The following FLAD1 variants were observed in gnomAD, a reference collection of about 807,000 sequenced individuals.
FLAD1 encodes flavin adenine dinucleotide synthetase 1.
FLAD1 carries 35 observed loss-of-function variants against 55.0 expected under a neutral mutation model. That is an observed-to-expected ratio of 0.64 (90% confidence interval 0.49 to 0.84). The LOEUF is 0.84. FLAD1 is among the 40% of genes least tolerant of loss of function. The pLI is 0.00. For missense variants in FLAD1, 665 were observed against 742.6 expected (o/e 0.90, Z 1.21); for synonymous variants, 267 against 303.0 (o/e 0.88, Z 1.23).
In FLAD1 at chr1:154,986,698, C is replaced by T. The variant is rs544461472; in HGVS notation, c.373-1407C>T. Among the ~76,000 whole-genome samples, 12 of 143,102 alleles carry T rather than the reference C, an allele frequency of 8.4e-5. No homozygotes were observed. In the East Asian group the frequency reaches 1.8e-3, roughly 21 times the overall value. The allele number at this position is 143,102 out of a possible 152,430, so 93.9% of individuals were successfully genotyped here. A position where few individuals can be genotyped will look rare whatever the true frequency, so the allele number is the denominator to read the frequency against. On this transcript the variant is annotated intron_variant, in intron 1 of 6. Transcript: ENST00000292180. ...AGGCATGAGCAACCTTGCCCAGCCC[C>T]CCACCCTTTTTTTTTTTTTTTTTTT... is the stretch of plus-strand genomic sequence containing the variant.
chr1:154,986,176 T>C (rs1275716828), intron 1 of FLAD1, among the ~76,000 whole-genome samples: 2 of 151,846 alleles, frequency 1.3e-5, no homozygotes, highest in Non-Finnish European at 2.9e-5. Flanking sequence ...GTAGCTGAGA[T>C]TACAGGCACC....
Position 154,988,226 on chromosome 1 carries a change from C to G in FLAD1, c.494C>G (p.Ser165Cys). Residue 165 changes from serine to cysteine, a missense_variant, in exon 2 of 7, where the codon TCT (serine) becomes TGT (cysteine). Coordinates refer to ENST00000292180, the MANE Select transcript of FLAD1 (RefSeq NM_025207.5). ...EVATIAAEVT[S>C]FSNRFTHVLT... is the part of the protein sequence containing the mutation. ...GCCACCATTGCAGCTGAGGTCACTT[C>G]TTTCTCCAACCGCTTCACCCATGTC... is the stretch of plus-strand genomic sequence containing the variant. 2 of 1,614,246 alleles carry G rather than the reference C, an allele frequency of 1.2e-6. No homozygotes were observed. The highest frequency in any genetic ancestry group is 1.7e-6 in the Non-Finnish European group (2 of 1,180,042).
In FLAD1 at chr1:154,983,761, T is replaced by A; in HGVS notation, c.67T>A (p.Trp23Arg). Residue 23 changes from tryptophan (W) to arginine (R), a missense_variant, in exon 1 of 7, where the codon TGG becomes AGG. Coordinates refer to ENST00000292180, the MANE Select transcript of FLAD1 (RefSeq NM_025207.5). ...QEQRSRLSRI[W>R]LEKTRVFLEG... is the part of the protein sequence containing the mutation. Reference sequence around the variant, plus strand: ...ACAAAGGAGTCGCTTGTCAAGGATCTGGTTAGAGAAGACTAGGGTCTTCCT... The same window carrying A: ...ACAAAGGAGTCGCTTGTCAAGGATCAGGTTAGAGAAGACTAGGGTCTTCCT... 1 of 1,614,120 alleles carries A rather than the reference T, an allele frequency of 6.2e-7. No homozygotes were observed. The highest frequency in any genetic ancestry group is 8.5e-7 in the Non-Finnish European group (1 of 1,179,974).
chr1:154,985,404 C>CT lies in FLAD1; in HGVS notation c.372+1351dup, dbSNP rs112698790. On this transcript the variant is annotated intron_variant, in intron 1 of 6. Coordinates refer to ENST00000292180, the MANE Select transcript of FLAD1 (RefSeq NM_025207.5). Reference sequence around the variant, plus strand: ...CCACTGCACTCAGCCTTAATAGACCCTTTTTTTTTTTTTAGACAGAGTCTT... The same window carrying CT: ...CCACTGCACTCAGCCTTAATAGACCCTTTTTTTTTTTTTTAGACAGAGTCTT... 2.8e-3 allele frequency among the ~76,000 whole-genome samples: 378 copies of CT among 137,238 alleles called. 1 individual carries two copies. The highest frequency in any genetic ancestry group is 6.7e-3 in the African/African-American group (250 of 37,514). The allele number at this position is 137,238 out of a possible 152,430, so 90.0% of individuals were successfully genotyped here.
intron 5 of FLAD1, chr1:154,991,175 C>T (rs547872767): frequency 2.1e-5 from 3 of 141,284 alleles, no homozygotes; most frequent in African/African-American, 8.0e-5. Flanking sequence ...CCACTGTACT[C>T]CAGCCTGGGC....
rs763542723 is a variant in FLAD1, at chr1:154,984,032, C to G, written c.338C>G (p.Ala113Gly). Reference protein sequence around the residue: ...SELSPGRSVTAGIIIVGDEIL... With the variant: ...SELSPGRSVTGGIIIVGDEIL... ...CTTTCTCCGGGGCGCAGCGTGACGGCTGGCATCATCATTGTTGGAGATGAG... is the reference window on the plus strand; with the variant it reads ...CTTTCTCCGGGGCGCAGCGTGACGGGTGGCATCATCATTGTTGGAGATGAG... Residue 113 changes from alanine to glycine, a missense_variant, in exon 1 of 7, where the codon GCT (alanine) becomes GGT (glycine). Physicochemically the swap from Ala to Gly is moderately conservative, Grantham distance 60. Coordinates refer to ENST00000292180, the MANE Select transcript of FLAD1 (RefSeq NM_025207.5). 2.0e-6 allele frequency: 3 copies of G among 1,512,616 alleles called. No homozygotes were observed. Among genetic ancestry groups the G allele is most frequent in the Non-Finnish European group, 2.7e-6 (3 of 1,130,322 alleles). The allele number at this position is 1,512,616 out of a possible 1,614,324, so 93.7% of individuals were successfully genotyped here. A position where few individuals can be genotyped will look rare whatever the true frequency, so the allele number is the denominator to read the frequency against.
chr1:154,990,361 G>A lies in FLAD1; in HGVS notation c.1387G>A (p.Ala463Thr). Residue 463 changes from alanine to threonine, a missense_variant, in exon 5 of 7, where the codon GCT becomes ACT. Transcript: ENST00000292180. ...AAGGTATAATCTGCAGATGTTGGAA[G>A]CTGAGGGCAGCATGAAGCAGGCCCT... ...IKRYNLQMLE[A>T]EGSMKQALGE... The A allele has an allele frequency of 6.2e-7, 1 of 1,613,880 alleles. No individual in the cohort carries two copies. The highest frequency in any genetic ancestry group is 2.2e-5 in the East Asian group (1 of 44,882).
At chr1:154,985,090 A>G (rs1336823005) in intron 1 of FLAD1, among the ~76,000 whole-genome samples, 1 of 119,122 alleles carries the variant, frequency 8.4e-6, no homozygotes, top group Non-Finnish European at 1.6e-5. Context: ...TATGTTGCCC[A>G]GGCTGGTCTC....
At chr1:154,990,082 C>T (rs1022648326) in intron 3 of FLAD1, 77 bp from the exon 4 acceptor site, 20 of 1,204,296 alleles carry the variant, frequency 1.7e-5, no homozygotes, top group Middle Eastern at 2.1e-4. Context: ...TAGGGGCCAA[C>T]GAGAACAGTG....
intron 1 of FLAD1, among the ~76,000 whole-genome samples, chr1:154,985,302 T>C (rs1302053858): frequency 6.6e-6 from 1 of 151,226 alleles, no homozygotes; most frequent in Non-Finnish European, 1.5e-5. Context: ...GGATCTCAGC[T>C]GACTGCACCT....
intron 1 of FLAD1, among the ~76,000 whole-genome samples, chr1:154,986,019 C>G (rs1261037057): frequency 7.0e-6 from 1 of 143,138 alleles, no homozygotes; most frequent in East Asian, 2.1e-4. Context: ...CTGCGCCCGG[C>G]TGTGTGTGTG....
chr1:154,983,978 G>C lies in FLAD1; in HGVS notation c.284G>C (p.Gly95Ala). The change falls in exon 1 of 7, where the codon GGC becomes GCC. Residue 95 changes from glycine (G) to alanine (A), a missense_variant. Physicochemically the swap from Gly to Ala is moderately conservative, Grantham distance 60. Coordinates refer to ENST00000292180, the MANE Select transcript of FLAD1 (RefSeq NM_025207.5). ...AGGGCCTTGCAGAGGGGCAGAGAAG[G>C]CAGGACCATGACATCTAGGGCCTCT... The part of the protein sequence containing the change: ...YWRALQRGRE[G>A]RTMTSRASEL... 3 of 1,552,862 alleles carry C rather than the reference G, an allele frequency of 1.9e-6. No individual in the cohort carries two copies. In the African/African-American group the frequency reaches 4.1e-5, roughly 21 times the overall value.
chr1:154,987,896 T>C, intron 1 of FLAD1: 1 of 1,420,930 alleles, frequency 7.0e-7, no homozygotes, highest in Non-Finnish European at 9.2e-7. Flanking sequence ...TGAGCCACTA[T>C]ACTCCAGCCT....
chr1:154,987,767 T>C (rs1657683046), intron 1 of FLAD1: 1 of 471,922 alleles, frequency 2.1e-6, no homozygotes, highest in Admixed American at 3.9e-5. Context: ...CAAGACCCCA[T>C]TTCTACAAAA....
In FLAD1 at chr1:154,989,569, T is replaced by TG; in HGVS notation, c.1131dup (p.Lys378GlufsTer11). 1 of 1,578,154 alleles carries TG rather than the reference T, an allele frequency of 6.3e-7. No individual in the cohort carries two copies. The highest frequency in any genetic ancestry group is 8.6e-7 in the Non-Finnish European group (1 of 1,160,754). Reference sequence around the variant, plus strand: ...CCTGCCTGCTTGGCAGGGTCTTCTTTGGGGAAAAAGGTGGCAGGTGCCCTA... The same window carrying TG: ...CCTGCCTGCTTGGCAGGGTCTTCTTTGGGGGAAAAAGGTGGCAGGTGCCCTA... On this transcript the variant is annotated frameshift_variant, in exon 3 of 7. Coordinates refer to ENST00000292180, the MANE Select transcript of FLAD1 (RefSeq NM_025207.5). LOFTEE classifies it high-confidence loss of function.
chr1:154,988,230 C>T lies in FLAD1; in HGVS notation c.498C>T (p.Phe166=). ...VATIAAEVTS[F]SNRFTHVLTA... is the part of the protein sequence containing the mutation. Reference sequence around the variant, plus strand: ...CCATTGCAGCTGAGGTCACTTCTTTCTCCAACCGCTTCACCCATGTCCTCA... The same window carrying T: ...CCATTGCAGCTGAGGTCACTTCTTTTTCCAACCGCTTCACCCATGTCCTCA... The change falls in exon 2 of 7, where the codon TTC becomes TTT. Residue 166 remains phenylalanine (F), a synonymous_variant. Coordinates refer to ENST00000292180, the MANE Select transcript of FLAD1 (RefSeq NM_025207.5). 8 of 1,614,236 alleles carry T rather than the reference C, an allele frequency of 5.0e-6. No individual in the cohort carries two copies. The highest frequency in any genetic ancestry group is 6.8e-6 in the Non-Finnish European group (8 of 1,180,040).
chr1:154,989,615 G>A lies in FLAD1; in HGVS notation c.1173G>A (p.Leu391=), dbSNP rs774708539. The A allele has an allele frequency of 1.4e-5, 23 of 1,604,390 alleles. No homozygotes were observed. Among genetic ancestry groups the A allele is most frequent in the Non-Finnish European group, 1.1e-5 (13 of 1,174,844 alleles). ...AGALQTIETS[L]AQYSLTQLCV... Reference sequence around the variant, plus strand: ...CCCTACAGACCATTGAGACCTCCCTGGCTCAGTACAGCCTCACCCAGCTCT... The same window carrying A: ...CCCTACAGACCATTGAGACCTCCCTAGCTCAGTACAGCCTCACCCAGCTCT... The change falls in exon 3 of 7, where the codon CTG becomes CTA. Residue 391 remains leucine, a synonymous_variant. Transcript: ENST00000292180.
chr1:154,985,506 A>G (rs2102239109), intron 1 of FLAD1, among the ~76,000 whole-genome samples: 1 of 151,430 alleles, frequency 6.6e-6, no homozygotes, highest in Non-Finnish European at 1.5e-5. Context: ...AGGTTCAAGC[A>G]ATTCTCCTGT....
chr1:154,983,394 G>C lies in FLAD1; in HGVS notation c.-301G>C, dbSNP rs555747819. ...AAGAGCCGGTGAAGGGGCAGAACAG[G>C]CAGGTGAGAGTCTAAGAGGGCTCAG... On this transcript the variant is annotated 5_prime_UTR_variant, in exon 1 of 7. Transcript: ENST00000292180. The C allele has an allele frequency of 2.1e-4, 59 of 278,884 alleles. No individual in the cohort carries two copies. The South Asian group carries it at 5.8e-3, about 27-fold the overall frequency. 17.3% of individuals were successfully genotyped at this position (278,884 alleles called of 1,614,324 possible). A position where few individuals can be genotyped will look rare whatever the true frequency, so the allele number is the denominator to read the frequency against.
Sources: gnomAD v4.1 joint callset for allele counts (sites outside exome capture counted in the v4.1 genomes callset) on GRCh38, gnomAD v4.1.1 for gene constraint, MANE v1.5 for transcripts, NCBI Gene and HGNC (gene_info 2026-07-23, HGNC 2026-07-21) for gene names.